The following TNFSF11 variants were observed in gnomAD, a reference collection of about 807,000 sequenced individuals.
The protein encoded by TNFSF11 is TNF superfamily member 11.
In TNFSF11, 12 loss-of-function variants were observed where a neutral mutation model predicts 32.2. That is an observed-to-expected ratio of 0.37 (90% CI 0.24 to 0.60). TNFSF11 has a LOEUF of 0.60. Ranked by LOEUF, TNFSF11 falls within the 20% of genes least tolerant of loss-of-function variation. TNFSF11 has a pLI of 0.66. For synonymous variants in TNFSF11, 172 were observed against 152.1 expected (o/e 1.13, Z -0.96); for missense variants, 345 against 398.0 (o/e 0.87, Z 1.13).
In TNFSF11 at chr13:42,607,097, A is replaced by G. The variant is rs911917562; in HGVS notation, c.*179A>G. 5 of 713,570 alleles carry G rather than the reference A, an allele frequency of 7.0e-6. No individual in the cohort carries two copies. The highest frequency in any genetic ancestry group is 4.0e-4 in the Middle Eastern group (1 of 2,528). The allele number at this position is 713,570 out of a possible 1,614,324, so 44.2% of individuals were successfully genotyped here. A position where few individuals can be genotyped will look rare whatever the true frequency, so the allele number is the denominator to read the frequency against. On this transcript the variant is annotated 3_prime_UTR_variant, in exon 5 of 5. Coordinates refer to ENST00000398795, the MANE Select transcript of TNFSF11 (RefSeq NM_003701.4). ...CACGCGTATTTACAGCCAGTGGGAG[A>G]TGTTAGACTCATGGTGTGTTACACA...
Position 42,606,774 on chromosome 13 carries a change from C to T in TNFSF11, c.810C>T (p.Phe270=), listed in dbSNP as rs762814353. Residue 270 remains phenylalanine, a synonymous_variant, in exon 5 of 5, where the codon TTC becomes TTT. Transcript: ENST00000398795. The stretch of plus-strand genomic sequence containing the variant: ...AGTATTGGTCAGGGAATTCTGAATT[C>T]CATTTTTATTCCATAAACGTTGGTG... ...STKYWSGNSE[F]HFYSINVGGF... The T allele has an allele frequency of 7.4e-6, 12 of 1,613,826 alleles. No homozygotes were observed. Among genetic ancestry groups the T allele is most frequent in the South Asian group, 1.1e-5 (1 of 91,056 alleles).
chr13:42,580,866 C>T (rs543112459), intron 1 of TNFSF11, among the ~76,000 whole-genome samples: 9 of 152,168 alleles, frequency 5.9e-5, no homozygotes, highest in Non-Finnish European at 1.2e-4. Flanking sequence ...CCATGAATCA[C>T]GCACATACAC....
At chr13:42,594,556 T>C (rs568175671) in intron 2 of TNFSF11, among the ~76,000 whole-genome samples, 5 of 152,230 alleles carry the variant, frequency 3.3e-5, no homozygotes, top group Non-Finnish European at 7.3e-5. Context: ...TTAAATTGCC[T>C]GAAGCAAAAT....
At chr13:42,576,472 G>C (rs751789443) in intron 1 of TNFSF11, among the ~76,000 whole-genome samples, 1 of 152,296 alleles carries the variant, frequency 6.6e-6, no homozygotes, top group South Asian at 2.1e-4. Flanking sequence ...GTAAACGTGT[G>C]AGTTAGTAAG....
chr13:42,583,558 GTGAT>G (rs1274613012), intron 2 of TNFSF11, among the ~76,000 whole-genome samples: 8 of 151,612 alleles, frequency 5.3e-5, no homozygotes, highest in Admixed American at 5.2e-4. Context: ...ATCCTGAAAA[GTGAT>G]TGACAAAATT....
Position 42,606,586 on chromosome 13 carries a change from G to A in TNFSF11, c.622G>A (p.Val208Ile). 1 of 1,614,186 alleles carries A rather than the reference G, an allele frequency of 6.2e-7. No homozygotes were observed. Among genetic ancestry groups the A allele is most frequent in the East Asian group, 2.2e-5 (1 of 44,884 alleles). Residue 208 changes from valine (V) to isoleucine (I), a missense_variant, in exon 5 of 5, where the codon GTT becomes ATT. Physicochemically the swap from Val to Ile is conservative, Grantham distance 29 (BLOSUM62 3). Transcript: ENST00000398795. Reference protein sequence around the residue: ...NMTFSNGKLIVNQDGFYYLYA... With the variant: ...NMTFSNGKLIINQDGFYYLYA... The stretch of plus-strand genomic sequence containing the variant: ...GACTTTTAGCAATGGAAAACTAATA[G>A]TTAATCAGGATGGCTTTTATTACCT...
intron 2 of TNFSF11, among the ~76,000 whole-genome samples, chr13:42,596,348 G>C (rs1333119694): frequency 6.6e-6 from 1 of 152,110 alleles, no homozygotes; most frequent in Non-Finnish European, 1.5e-5. Context: ...GCTCCTTTTT[G>C]TCAGATCCCA....
At chr13:42,599,370 A>ATCTATCTG (rs1869029183) in intron 2 of TNFSF11, among the ~76,000 whole-genome samples, 1 of 151,086 alleles carries the variant, frequency 6.6e-6, no homozygotes, top group East Asian at 1.9e-4. Flanking sequence ...CTATCTATCT[A>ATCTATCTG]TCTATCTATC....
intron 2 of TNFSF11, among the ~76,000 whole-genome samples, chr13:42,593,255 T>C (rs1281322784): frequency 1.3e-5 from 2 of 152,176 alleles, no homozygotes; most frequent in African/African-American, 2.4e-5. Context: ...TGAAGACGAA[T>C]TGCATATTTC....
chr13:42,574,465 G>T lies in TNFSF11; in HGVS notation c.162G>T (p.Gly54=), dbSNP rs2137852836. The T allele has an allele frequency of 6.2e-7, 1 of 1,607,670 alleles. No individual in the cohort carries two copies. The highest frequency in any genetic ancestry group is 1.1e-5 in the South Asian group (1 of 90,792). The change falls in exon 1 of 5, where the codon GGG becomes GGT. Residue 54 remains glycine, a synonymous_variant. Transcript: ENST00000398795. Reference sequence around the variant, plus strand: ...GCTCCATGTTCGTGGCCCTCCTGGGGCTGGGGCTGGGCCAGGTTGTCTGCA... The same window carrying T: ...GCTCCATGTTCGTGGCCCTCCTGGGTCTGGGGCTGGGCCAGGTTGTCTGCA... The part of the protein sequence containing the change: ...ASRSMFVALL[G]LGLGQVVCSV...
intron 2 of TNFSF11, among the ~76,000 whole-genome samples, chr13:42,568,832 T>C (rs1336459649): frequency 6.6e-6 from 1 of 152,178 alleles, no homozygotes; most frequent in Non-Finnish European, 1.5e-5. Context: ...ATTTTAAAAA[T>C]TGTTATTAGC....
intron 2 of TNFSF11, among the ~76,000 whole-genome samples, chr13:42,585,096 A>G (rs1170641898): frequency 1.3e-5 from 2 of 152,218 alleles, no homozygotes; most frequent in Admixed American, 6.5e-5. Context: ...CTCTATTCAG[A>G]TAATTGTTTG....
chr13:42,568,217 C>T (rs955630669), intron 2 of TNFSF11, among the ~76,000 whole-genome samples: 1 of 152,200 alleles, frequency 6.6e-6, no homozygotes, highest in Non-Finnish European at 1.5e-5. Flanking sequence ...CATGAATATT[C>T]ATAGCTCTTC....
In TNFSF11 at chr13:42,586,146, T is replaced by C. The variant is rs2137878020; in HGVS notation, c.387+4853T>C. Among the ~76,000 whole-genome samples, 3 of 152,382 alleles carry C rather than the reference T, an allele frequency of 2.0e-5. No homozygotes were observed. In the South Asian group the frequency reaches 6.2e-4, roughly 32 times the overall value. On this transcript the variant is annotated intron_variant, in intron 2 of 4. Coordinates refer to ENST00000398795, the MANE Select transcript of TNFSF11 (RefSeq NM_003701.4). ...AAATACATATGTACATTTCAGAGCATGAAAAATTTTTTCCCTGATGGAGCT... is the reference window on the plus strand; with the variant it reads ...AAATACATATGTACATTTCAGAGCACGAAAAATTTTTTCCCTGATGGAGCT...
At chr13:42,582,459 G>C (rs1873663784) in intron 2 of TNFSF11, among the ~76,000 whole-genome samples, 1 of 152,116 alleles carries the variant, frequency 6.6e-6, no homozygotes, top group African/African-American at 2.4e-5. Flanking sequence ...GTTATTTCAT[G>C]CATCACTAAG....
chr13:42,583,266 AG>A (rs1236798006), intron 2 of TNFSF11, among the ~76,000 whole-genome samples: 1 of 151,596 alleles, frequency 6.6e-6, no homozygotes, highest in Non-Finnish European at 1.5e-5. Flanking sequence ...AAAAAAAATT[AG>A]CTGGGCATGG....
chr13:42,599,337 CT>C (rs368368099), intron 2 of TNFSF11, among the ~76,000 whole-genome samples: 4,330 of 88,602 alleles, frequency 0.049, 89 homozygotes, highest in Middle Eastern at 0.14. Flanking sequence ...ATCTATCTAT[CT>C]ATCTATCTAT....
At chr13:42,600,823 T>C in intron 3 of TNFSF11, 26 bp downstream of exon 3, 2 of 1,614,154 alleles carry the variant, frequency 1.2e-6, no homozygotes, top group Non-Finnish European at 1.7e-6. Flanking sequence ...TACATCTGTA[T>C]GAAATCCCAC....
In TNFSF11 at chr13:42,581,214, C is replaced by T. The variant is rs369479969; in HGVS notation, c.308C>T (p.Thr103Ile). 12 of 1,613,958 alleles carry T rather than the reference C, an allele frequency of 7.4e-6. No homozygotes were observed. The African/African-American group carries it at 1.5e-4, about 20-fold the overall frequency. ...GAAAATGCAGATTTTCAAGACACAA[C>T]TCTGGAGAGTCAAGATACAAAATTA... is the stretch of plus-strand genomic sequence containing the variant. ...LHENADFQDT[T>I]LESQDTKLIP... The change falls in exon 2 of 5, where the codon ACT becomes ATT. Residue 103 changes from threonine to isoleucine, a missense_variant. Thr to Ile is a moderately conservative substitution (Grantham distance 89). Around this residue, in one of 2 missense-constraint regions of TNFSF11, gnomAD observed 197 missense variants for 182.0 expected, o/e 1.08. Transcript: ENST00000398795.
Sources: allele counts gnomAD v4.1 joint callset (sites outside exome capture counted in the v4.1 genomes callset), GRCh38; gene constraint gnomAD v4.1.1; regional missense constraint gnomAD v4.1.1; transcripts MANE v1.5; gene names NCBI Gene and HGNC (gene_info 2026-07-23, HGNC 2026-07-21).